The following NKAIN2 variants were observed in gnomAD, a reference collection of about 807,000 sequenced individuals.
NKAIN2 encodes sodium/potassium-transporting ATPase subunit beta-1-interacting protein 2.
In NKAIN2, 14 loss-of-function variants were observed where a neutral mutation model predicts 32.6. That is an observed-to-expected ratio of 0.43 (90% CI 0.28 to 0.67). NKAIN2 has a LOEUF of 0.67. Among genes scored for constraint, NKAIN2 ranks in the 30% least tolerant of loss-of-function variants. NKAIN2 has a pLI of 0.17. For missense variants in NKAIN2, 198 were observed against 258.3 expected (o/e 0.77, Z 1.60); for synonymous variants, 80 against 87.2 (o/e 0.92, Z 0.46).
chr6:124,704,777 A>G (rs148698060), intron 4 of NKAIN2, among the ~76,000 whole-genome samples: 4 of 152,120 alleles, frequency 2.6e-5, no homozygotes, highest in Non-Finnish European at 5.9e-5. Context: ...TATGATTTAT[A>G]TCCTGATAGA....
At chr6:123,960,806 A>G (rs2114611111) in intron 1 of NKAIN2, among the ~76,000 whole-genome samples, 1 of 152,054 alleles carries the variant, frequency 6.6e-6, no homozygotes, top group South Asian at 2.1e-4. Context: ...ATGAATGAGA[A>G]CGTAATGATG....
intron 3 of NKAIN2, among the ~76,000 whole-genome samples, chr6:124,580,728 A>T (rs974955268): frequency 1.3e-4 from 20 of 152,224 alleles, no homozygotes; most frequent in Non-Finnish European, 2.4e-4. Flanking sequence ...GAATGGATTT[A>T]AAAAACAAGA....
intron 3 of NKAIN2, among the ~76,000 whole-genome samples, chr6:124,499,316 AC>A (rs1778194883): frequency 6.6e-6 from 1 of 152,194 alleles, no homozygotes; most frequent in Admixed American, 6.5e-5. Context: ...CAGCCTGTGC[AC>A]AGTTATAACA....
chr6:124,180,593 C>T (rs1050161943), intron 1 of NKAIN2, among the ~76,000 whole-genome samples: 4 of 152,172 alleles, frequency 2.6e-5, no homozygotes, highest in Non-Finnish European at 5.9e-5. Flanking sequence ...CATTTCAAAA[C>T]CAATCATGCC....
chr6:124,734,166 T>TG (rs1194307245), intron 4 of NKAIN2, among the ~76,000 whole-genome samples: 1 of 151,016 alleles, frequency 6.6e-6, no homozygotes, highest in Non-Finnish European at 1.5e-5. Flanking sequence ...TTGGCCAAAG[T>TG]GGAAATCATA....
intron 1 of NKAIN2, among the ~76,000 whole-genome samples, chr6:123,869,521 TAAG>T (rs140852833): frequency 0.02 from 3,056 of 152,150 alleles, 112 homozygotes; most frequent in African/African-American, 0.07. Flanking sequence ...ACAGAAAAAA[TAAG>T]AACACCATGA....
intron 1 of NKAIN2, among the ~76,000 whole-genome samples, chr6:123,950,471 CTAAT>C (rs1401635740): frequency 1.3e-5 from 2 of 151,838 alleles, no homozygotes; most frequent in Non-Finnish European, 2.9e-5. Flanking sequence ...TACTGACAGT[CTAAT>C]TACTCATTTC....
intron 1 of NKAIN2, among the ~76,000 whole-genome samples, chr6:123,938,697 T>C (rs1249379898): frequency 6.7e-6 from 1 of 149,480 alleles, no homozygotes; most frequent in Non-Finnish European, 1.5e-5. Context: ...ACTATTGCAA[T>C]CCTACTTGAT....
intron 1 of NKAIN2, among the ~76,000 whole-genome samples, chr6:124,242,551 C>A (rs917941294): frequency 6.6e-6 from 1 of 152,102 alleles, no homozygotes; most frequent in African/African-American, 2.4e-5. Context: ...TGGATATATA[C>A]CCAAAGGATT....
chr6:124,060,099 A>T (rs1782855977), intron 1 of NKAIN2, among the ~76,000 whole-genome samples: 1 of 152,156 alleles, frequency 6.6e-6, no homozygotes, highest in Non-Finnish European at 1.5e-5. Flanking sequence ...GCAGGCAAGG[A>T]TGTGCTCTCG....
chr6:124,331,550 A>AAAAAAG (rs1797663389), intron 2 of NKAIN2, among the ~76,000 whole-genome samples: 1 of 147,936 alleles, frequency 6.8e-6, no homozygotes. Context: ...AAAAAAAAAA[A>AAAAAAG]TCATTTCCCT....
At chr6:124,317,233 A>G (rs1340504898) in intron 2 of NKAIN2, among the ~76,000 whole-genome samples, 1 of 152,136 alleles carries the variant, frequency 6.6e-6, no homozygotes, top group Non-Finnish European at 1.5e-5. Context: ...CATTGTTCCA[A>G]AGCTTGTCAG....
At chr6:124,699,360 C>T (rs1431586648) in intron 4 of NKAIN2, among the ~76,000 whole-genome samples, 7 of 152,092 alleles carry the variant, frequency 4.6e-5, no homozygotes, top group Non-Finnish European at 1.0e-4. Context: ...GGACGGCAAC[C>T]CAGGAAAGTG....
At chr6:124,534,215 A>C (rs112755923) in intron 3 of NKAIN2, among the ~76,000 whole-genome samples, 232 of 152,012 alleles carry the variant, frequency 1.5e-3, no homozygotes, top group Middle Eastern at 3.4e-3. Context: ...GCAGTGACAC[A>C]ATTTTGGCTC....
chr6:124,608,434 ACTAT>A (rs1782574436), intron 3 of NKAIN2, among the ~76,000 whole-genome samples: 1 of 152,152 alleles, frequency 6.6e-6, no homozygotes. Flanking sequence ...GGGAGGTATA[ACTAT>A]CTAAAGCCTC....
chr6:124,205,335 T>G (rs959332931), intron 1 of NKAIN2, among the ~76,000 whole-genome samples: 2 of 145,838 alleles, frequency 1.4e-5, no homozygotes. Context: ...TAGAATACTC[T>G]GGGTTACTCT....
intron 1 of NKAIN2, among the ~76,000 whole-genome samples, chr6:124,218,314 T>A (rs567589684): frequency 2.0e-4 from 31 of 152,250 alleles, no homozygotes; most frequent in African/African-American, 7.5e-4. Flanking sequence ...ATAAAAGTAA[T>A]CTGTAAATTA....
At chr6:124,805,400 A>G (rs995925607) in intron 5 of NKAIN2, among the ~76,000 whole-genome samples, 3 of 152,218 alleles carry the variant, frequency 2.0e-5, no homozygotes, top group East Asian at 1.9e-4. Context: ...GTGGACCTCT[A>G]GCAAACTCCA....
intron 1 of NKAIN2, among the ~76,000 whole-genome samples, chr6:123,860,820 A>G (rs1246341533): frequency 6.6e-6 from 1 of 151,964 alleles, no homozygotes; most frequent in Non-Finnish European, 1.5e-5. Flanking sequence ...TCTGTTTTGC[A>G]CTTCTCATGT....
Sources: allele counts gnomAD v4.1 joint callset (sites outside exome capture counted in the v4.1 genomes callset), GRCh38; gene constraint gnomAD v4.1.1; transcripts MANE v1.5; gene names NCBI Gene and HGNC (gene_info 2026-07-23, HGNC 2026-07-21).